AUTS2: variants seen among roughly 807,000 people sequenced by gnomAD.
AUTS2 encodes activator of transcription and developmental regulator AUTS2.
In AUTS2, 17 loss-of-function variants were observed where a neutral mutation model predicts 112.4. The observed-to-expected ratio is 0.15, with a 90% CI of 0.10 to 0.23. AUTS2 has a LOEUF of 0.23. Ranked by LOEUF, AUTS2 falls within the 10% of genes least tolerant of loss-of-function variation. The pLI is 1.00. For missense variants in AUTS2, 1,510 were observed against 1,701.6 expected (o/e 0.89, Z 1.98); for synonymous variants, 751 against 702.7 (o/e 1.07, Z -1.09).
chr7:70,615,106 C>T (rs577164512), intron 5 of AUTS2, among the ~76,000 whole-genome samples: 1 of 152,314 alleles, frequency 6.6e-6, no homozygotes. Flanking sequence ...GGACCATTTC[C>T]CCTGTCGTCT....
chr7:70,655,823 C>G lies in AUTS2; in HGVS notation c.691-42746C>G, dbSNP rs569923968. Among the ~76,000 whole-genome samples, 3 of 152,184 alleles carry G rather than the reference C, an allele frequency of 2.0e-5. No homozygotes were observed. The South Asian group carries it at 6.2e-4, about 32-fold the overall frequency. On this transcript the variant is annotated intron_variant, in intron 5 of 18. Coordinates refer to ENST00000342771, the MANE Select transcript of AUTS2 (RefSeq NM_015570.4). ...CAGGTCTGCCACACCCAGCTGAACC[C>G]CCTAGACAGTGGTCAGAGCACCTTT...
intron 1 of AUTS2, among the ~76,000 whole-genome samples, chr7:69,894,617 A>T (rs1488927640): frequency 6.6e-6 from 1 of 152,122 alleles, no homozygotes; most frequent in Non-Finnish European, 1.5e-5. Flanking sequence ...TGGACTCCCC[A>T]TGTCTAGAAA....
intron 1 of AUTS2, among the ~76,000 whole-genome samples, chr7:69,625,587 G>A (rs540471106): frequency 3.3e-5 from 5 of 152,256 alleles, no homozygotes; most frequent in African/African-American, 9.6e-5. Context: ...GGCTGCGCAC[G>A]GTGGCTCATA....
intron 1 of AUTS2, among the ~76,000 whole-genome samples, chr7:69,672,251 G>T (rs1347150827): frequency 1.3e-5 from 2 of 151,920 alleles, no homozygotes; most frequent in Non-Finnish European, 2.9e-5. Flanking sequence ...TAGAGACGGG[G>T]TTTCTCCATG....
At chr7:70,517,208 T>C (rs1463725603) in intron 5 of AUTS2, among the ~76,000 whole-genome samples, 1 of 152,220 alleles carries the variant, frequency 6.6e-6, no homozygotes, top group East Asian at 1.9e-4. Flanking sequence ...ACCAGGATTC[T>C]TTCTTCTGTA....
chr7:70,615,702 A>G (rs1432042831), intron 5 of AUTS2, among the ~76,000 whole-genome samples: 4 of 152,148 alleles, frequency 2.6e-5, no homozygotes, highest in Non-Finnish European at 5.9e-5. Flanking sequence ...TTCACCAGGT[A>G]TACAGGTGTC....
intron 1 of AUTS2, among the ~76,000 whole-genome samples, chr7:69,754,165 A>G (rs1787854032): frequency 6.6e-6 from 1 of 152,168 alleles, no homozygotes; most frequent in African/African-American, 2.4e-5. Context: ...CGGGTTACCA[A>G]GCACCTCTCT....
chr7:70,298,142 C>T (rs1311819837), intron 4 of AUTS2, among the ~76,000 whole-genome samples: 3 of 152,036 alleles, frequency 2.0e-5, no homozygotes, highest in African/African-American at 7.2e-5. Context: ...AGCAATTCTT[C>T]TGCCTCAGCC....
intron 1 of AUTS2, among the ~76,000 whole-genome samples, chr7:69,842,907 G>T (rs1792042130): frequency 6.6e-6 from 1 of 152,130 alleles, no homozygotes; most frequent in Non-Finnish European, 1.5e-5. Flanking sequence ...CTTCCGAGAG[G>T]TATAAAACCT....
intron 5 of AUTS2, among the ~76,000 whole-genome samples, chr7:70,575,896 T>C (rs1434128979): frequency 6.6e-6 from 1 of 152,172 alleles, no homozygotes; most frequent in Non-Finnish European, 1.5e-5. Context: ...GGTTTGTTGA[T>C]ATTTGGTAGA....
chr7:70,072,406 G>A (rs1802817442), intron 2 of AUTS2, among the ~76,000 whole-genome samples: 1 of 152,270 alleles, frequency 6.6e-6, no homozygotes, highest in African/African-American at 2.4e-5. Context: ...CACAGCTGTT[G>A]TCCTCTAGTA....
At chr7:70,084,855 T>A (rs941414512) in intron 2 of AUTS2, among the ~76,000 whole-genome samples, 1 of 151,914 alleles carries the variant, frequency 6.6e-6, no homozygotes, top group African/African-American at 2.4e-5. Flanking sequence ...AGATAAGAGG[T>A]TTCAAGGTTG....
chr7:69,692,657 G>A (rs1797399384), intron 1 of AUTS2, among the ~76,000 whole-genome samples: 1 of 152,194 alleles, frequency 6.6e-6, no homozygotes, highest in African/African-American at 2.4e-5. Flanking sequence ...TTATGATCTT[G>A]AACTTGACTA....
chr7:70,384,029 AAAAG>A (rs554760920), intron 4 of AUTS2, among the ~76,000 whole-genome samples: 125 of 152,236 alleles, frequency 8.2e-4, no homozygotes, highest in African/African-American at 2.2e-3. Flanking sequence ...TCCATTAGGG[AAAAG>A]AAAGAAAGAA....
intron 4 of AUTS2, among the ~76,000 whole-genome samples, chr7:70,358,042 C>A (rs187557292): frequency 6.6e-6 from 1 of 152,118 alleles, no homozygotes; most frequent in African/African-American, 2.4e-5. Flanking sequence ...CTCCGGATGA[C>A]GTGGGGCTAT....
intron 2 of AUTS2, among the ~76,000 whole-genome samples, chr7:70,093,497 G>A (rs931501408): frequency 5.3e-5 from 8 of 152,204 alleles, no homozygotes; most frequent in African/African-American, 1.7e-4. Flanking sequence ...GACAGGCTTT[G>A]CATGAGAGAA....
At chr7:70,196,938 A>C (rs936114369) in intron 4 of AUTS2, among the ~76,000 whole-genome samples, 3 of 152,212 alleles carry the variant, frequency 2.0e-5, no homozygotes, top group Non-Finnish European at 2.9e-5. Flanking sequence ...TCTTCTTTAC[A>C]CTTAGTGTAT....
At chr7:70,110,576 A>G (rs1367875363) in intron 2 of AUTS2, among the ~76,000 whole-genome samples, 2 of 152,168 alleles carry the variant, frequency 1.3e-5, no homozygotes, top group Admixed American at 1.3e-4. Context: ...TTCTACTGCT[A>G]TGAAGTCCAC....
At chr7:70,133,155 G>A in intron 3 of AUTS2, among the ~76,000 whole-genome samples, 1 of 152,180 alleles carries the variant, frequency 6.6e-6, no homozygotes, top group East Asian at 1.9e-4. Flanking sequence ...GAGCTTGTGT[G>A]AAACGCTGAG....
Sources: gnomAD v4.1 joint callset for allele counts (sites outside exome capture counted in the v4.1 genomes callset) on GRCh38, gnomAD v4.1.1 for gene constraint, MANE v1.5 for transcripts, NCBI Gene and HGNC (gene_info 2026-07-23, HGNC 2026-07-21) for gene names.